The following RFX4 variants were observed in gnomAD, a reference collection of about 807,000 sequenced individuals.
RFX4 encodes the protein transcription factor RFX4.
In RFX4, 10 loss-of-function variants were observed where a neutral mutation model predicts 95.0. The observed-to-expected ratio is 0.11, with a 90% CI of 0.06 to 0.18. The LOEUF (loss-of-function observed/expected upper bound fraction) is 0.18. RFX4 is among the 10% of genes least tolerant of loss of function. RFX4 has a pLI of 1.00. For missense variants in RFX4, 640 were observed against 922.0 expected (o/e 0.69, Z 3.96); for synonymous variants, 321 against 340.7 (o/e 0.94, Z 0.64).
At chr12:106,668,094 AAGTCTAGAGGAAGGTAACCC>A (rs376762611) in intron 4 of RFX4, among the ~76,000 whole-genome samples, 69 of 152,264 alleles carry the variant, frequency 4.5e-4, no homozygotes, top group African/African-American at 1.5e-3. Flanking sequence ...CACATAAACT[AAGTCTAGAGGAAGGTAACCC>A]AGCTGCAGTT....
chr12:106,656,933 C>A (rs2040972617), intron 4 of RFX4, among the ~76,000 whole-genome samples: 1 of 152,216 alleles, frequency 6.6e-6, no homozygotes, highest in African/African-American at 2.4e-5. Context: ...CAAGGAAATA[C>A]TCTAATGGCA....
intron 1 of RFX4, among the ~76,000 whole-genome samples, chr12:106,597,228 A>C (rs746017172): frequency 2.6e-4 from 39 of 152,104 alleles, no homozygotes; most frequent in South Asian, 6.2e-4. Context: ...TAATCCTCAT[A>C]ATAACCTCAT....
chr12:106,715,279 C>A, intron 10 of RFX4, 121 bp from the exon 11 acceptor site: 1 of 1,152,862 alleles, frequency 8.7e-7, no homozygotes, highest in Non-Finnish European at 1.2e-6. Flanking sequence ...TTGAATTTCC[C>A]GGAATTTCAG....
chr12:106,588,880 C>T (rs919413496), intron 1 of RFX4, among the ~76,000 whole-genome samples: 1 of 152,148 alleles, frequency 6.6e-6, no homozygotes, highest in African/African-American at 2.4e-5. Context: ...CATTTTAAGA[C>T]TGATTTCTAA....
chr12:106,687,846 T>C (rs1434471978), intron 6 of RFX4, among the ~76,000 whole-genome samples: 1 of 152,180 alleles, frequency 6.6e-6, no homozygotes, highest in African/African-American at 2.4e-5. Context: ...TCTTATGCTG[T>C]CTCATTTCAT....
At chr12:106,737,843 G>A (rs1190379259) in intron 15 of RFX4, among the ~76,000 whole-genome samples, 1 of 152,130 alleles carries the variant, frequency 6.6e-6, no homozygotes, top group Non-Finnish European at 1.5e-5. Context: ...TGAGATCGCC[G>A]TATTTGTTTA....
At chr12:106,748,213 G>A (rs2042930942) in intron 16 of RFX4, among the ~76,000 whole-genome samples, 1 of 152,180 alleles carries the variant, frequency 6.6e-6, no homozygotes, top group South Asian at 2.1e-4. Context: ...TGACTCCAAA[G>A]CCTGTGTTCC....
intron 1 of RFX4, among the ~76,000 whole-genome samples, chr12:106,603,484 G>A (rs1592839604): frequency 2.0e-5 from 3 of 152,270 alleles, no homozygotes; most frequent in Admixed American, 2.0e-4. Flanking sequence ...AAATCCATAG[G>A]CATTATCTGC....
intron 1 of RFX4, among the ~76,000 whole-genome samples, chr12:106,594,161 C>G (rs1386307987): frequency 6.6e-6 from 1 of 152,178 alleles, no homozygotes; most frequent in African/African-American, 2.4e-5. Context: ...AATAATTTCT[C>G]CAACAAGCAT....
At chr12:106,626,585 T>G (rs984333397) in intron 2 of RFX4, among the ~76,000 whole-genome samples, 1 of 152,006 alleles carries the variant, frequency 6.6e-6, no homozygotes, top group African/African-American at 2.4e-5. Flanking sequence ...ATCAAAGTGG[T>G]GTTTTCAGAA....
chr12:106,750,082 G>C (rs1472839970), intron 16 of RFX4, among the ~76,000 whole-genome samples: 1 of 152,140 alleles, frequency 6.6e-6, no homozygotes, highest in African/African-American at 2.4e-5. Context: ...ACGCTGGCTG[G>C]GGGGTAAGGG....
At chr12:106,747,321 A>G in intron 15 of RFX4, 116 bp from the exon 16 acceptor site, 14 of 1,103,562 alleles carry the variant, frequency 1.3e-5, no homozygotes, top group Non-Finnish European at 1.8e-5. Context: ...TCAGAGATAC[A>G]TGTCTTATAA....
At chr12:106,737,523 G>T (rs984608584) in intron 15 of RFX4, among the ~76,000 whole-genome samples, 19 of 151,984 alleles carry the variant, frequency 1.3e-4, no homozygotes, top group Admixed American at 9.2e-4. Context: ...GCAAGAGAGA[G>T]CATGTTATTT....
At chr12:106,713,993 C>A (rs1203180452) in intron 10 of RFX4, among the ~76,000 whole-genome samples, 1 of 146,068 alleles carries the variant, frequency 6.8e-6, no homozygotes, top group East Asian at 2.0e-4. Flanking sequence ...TCACTTGAAC[C>A]CGGGAGGCAG....
intron 2 of RFX4, among the ~76,000 whole-genome samples, chr12:106,636,249 G>T (rs1189845799): frequency 6.6e-6 from 1 of 151,970 alleles, no homozygotes; most frequent in Non-Finnish European, 1.5e-5. Flanking sequence ...AATTAGCCAG[G>T]CGTGGTTGTG....
At chr12:106,695,864 C>T (rs2137448329) in intron 7 of RFX4, among the ~76,000 whole-genome samples, 1 of 152,300 alleles carries the variant, frequency 6.6e-6, no homozygotes, top group Non-Finnish European at 1.5e-5. Context: ...CCCTTCCTTC[C>T]CAGAATACCC....
In RFX4 at chr12:106,732,964, A is replaced by G. The variant is rs747114948; in HGVS notation, c.1512A>G (p.Ala504=). 35 of 1,614,156 alleles carry G rather than the reference A, an allele frequency of 2.2e-5. 1 individual carries two copies. The South Asian group carries it at 3.5e-4, about 16-fold the overall frequency. Residue 504 remains alanine, a synonymous_variant, in exon 15 of 18, where the codon GCA becomes GCG. Coordinates refer to ENST00000392842, the MANE Select transcript of RFX4 (RefSeq NM_213594.3). ...AGATCATCTTGACAGAGGCTGCCGC[A>G]CCAACCCCTTCACCAGTGCCATCGT... ...REEIILTEAA[A]PTPSPVPSFS... is the part of the protein sequence containing the mutation.
intron 1 of RFX4, chr12:106,583,628 T>C: frequency 2.8e-6 from 1 of 352,410 alleles, no homozygotes; most frequent in Non-Finnish European, 5.1e-6. Flanking sequence ...TCGCTTGCCC[T>C]GGACACAAAG....
At chr12:106,719,885 CTCTGTTCTTTT>C in intron 11 of RFX4, 64 bp from the exon 12 acceptor site, 2 of 1,167,094 alleles carry the variant, frequency 1.7e-6, no homozygotes, top group Non-Finnish European at 2.6e-6. Context: ...AGTTTTGTTC[CTCTGTTCTTTT>C]AAGACGTAGC....
Sources: gnomAD v4.1 joint callset for allele counts (sites outside exome capture counted in the v4.1 genomes callset) on GRCh38, gnomAD v4.1.1 for gene constraint, MANE v1.5 for transcripts, NCBI Gene and HGNC (gene_info 2026-07-23, HGNC 2026-07-21) for gene names.